CNTNAP2: variants seen among roughly 807,000 people sequenced by gnomAD.
CNTNAP2 encodes the protein contactin associated protein 2.
CNTNAP2 carries 98 observed loss-of-function variants against 155.2 expected under a neutral mutation model. The observed-to-expected ratio is 0.63, with a 90% CI of 0.54 to 0.75. CNTNAP2 has a LOEUF of 0.75. CNTNAP2 is among the 30% of genes least tolerant of loss of function. The pLI, the probability that CNTNAP2 is intolerant of heterozygous loss-of-function variation, is 0.00. For missense variants in CNTNAP2, 1,727 were observed against 1,688.1 expected, an observed-to-expected ratio of 1.02 and a Z score of -0.40; for synonymous variants, 651 against 631.2, an observed-to-expected ratio of 1.03 and a Z score of -0.47.
intron 2 of CNTNAP2, among the ~76,000 whole-genome samples, chr7:146,776,302 T>G (rs1802388938): frequency 6.6e-6 from 1 of 152,206 alleles, no homozygotes; most frequent in African/African-American, 2.4e-5. Context: ...AAATGTTACT[T>G]TCAAAAGTTT....
chr7:148,217,011 G>C (rs942057868), intron 18 of CNTNAP2, among the ~76,000 whole-genome samples: 19 of 152,158 alleles, frequency 1.2e-4, no homozygotes, highest in African/African-American at 4.6e-4. Flanking sequence ...GGAGCTGTGA[G>C]TCCACTAAAC....
chr7:147,126,600 A>G (rs1234284217), intron 6 of CNTNAP2, among the ~76,000 whole-genome samples: 2 of 152,060 alleles, frequency 1.3e-5, no homozygotes, highest in East Asian at 3.9e-4. Context: ...CAGCCTCCCA[A>G]ATAGCTGGGA....
chr7:148,161,189 T>A (rs867405781), intron 17 of CNTNAP2, among the ~76,000 whole-genome samples: 1 of 152,332 alleles, frequency 6.6e-6, no homozygotes. Flanking sequence ...TTCTGCTAAT[T>A]TTGCTGCCGC....
chr7:147,890,368 A>G (rs1291336084), intron 13 of CNTNAP2, among the ~76,000 whole-genome samples: 1 of 152,236 alleles, frequency 6.6e-6, no homozygotes, highest in Non-Finnish European at 1.5e-5. Context: ...TAGACAAAGA[A>G]GGGAATTCTT....
chr7:147,626,698 T>A (rs1794984109), intron 12 of CNTNAP2, among the ~76,000 whole-genome samples: 1 of 152,114 alleles, frequency 6.6e-6, no homozygotes. Context: ...CACCTTCTGG[T>A]TGGAGGCCAA....
chr7:146,783,643 A>G (rs946646774), intron 2 of CNTNAP2, among the ~76,000 whole-genome samples: 3 of 152,238 alleles, frequency 2.0e-5, no homozygotes, highest in African/African-American at 7.2e-5. Flanking sequence ...CTCAATTTTA[A>G]AATGTTGGTA....
At chr7:146,373,130 C>T (rs1795259274) in intron 1 of CNTNAP2, among the ~76,000 whole-genome samples, 2 of 152,180 alleles carry the variant, frequency 1.3e-5, no homozygotes, top group Admixed American at 1.3e-4. Context: ...AAATCCTTCT[C>T]AGGGCAAATA....
At chr7:146,915,830 C>T (rs1796382072) in intron 3 of CNTNAP2, 1 of 152,090 alleles carries the variant, frequency 6.6e-6, no homozygotes, top group African/African-American at 2.4e-5. Context: ...CGTCTGCTTG[C>T]TCTGGCTAGG....
chr7:146,514,933 G>A (rs913241212), intron 1 of CNTNAP2, among the ~76,000 whole-genome samples: 2 of 151,994 alleles, frequency 1.3e-5, no homozygotes, highest in African/African-American at 4.8e-5. Flanking sequence ...AGCATTACAT[G>A]TCACCTCAAT....
At chr7:147,328,085 T>A (rs1435063561) in intron 9 of CNTNAP2, among the ~76,000 whole-genome samples, 1 of 151,802 alleles carries the variant, frequency 6.6e-6, no homozygotes. Context: ...GGGACAAAAA[T>A]AACGAGCAAG....
chr7:147,744,754 CACACCTGCTAGACAGAG>C (rs1437368858), intron 13 of CNTNAP2, among the ~76,000 whole-genome samples: 1 of 152,114 alleles, frequency 6.6e-6, no homozygotes, highest in East Asian at 1.9e-4. Flanking sequence ...TTCCTCTGTG[CACACCTGCTAGACAGAG>C]CTCTCTTTCT....
chr7:147,442,950 A>AGTTAGTT (rs1237417113), intron 10 of CNTNAP2, among the ~76,000 whole-genome samples: 1 of 151,996 alleles, frequency 6.6e-6, no homozygotes, highest in Non-Finnish European at 1.5e-5. Context: ...CTTTTGGAGC[A>AGTTAGTT]GTTAGTTGTA....
In CNTNAP2 at chr7:146,645,519, C is replaced by G. The variant is rs111868054; in HGVS notation, c.98-128752C>G. Among the ~76,000 whole-genome samples the G allele has an allele frequency of 3.0e-3, 453 of 152,168 alleles. 2 individuals carry two copies. Among genetic ancestry groups the G allele is most frequent in the African/African-American group, 0.01 (418 of 41,522 alleles). On this transcript the variant is annotated intron_variant, in intron 1 of 23. Coordinates refer to ENST00000361727, the MANE Select transcript of CNTNAP2 (RefSeq NM_014141.6). ...ACGAAAAATGAGATCAGGGAACATCCCTGTGGGTATGAAACAACAAAAACT... is the reference window on the plus strand; with the variant it reads ...ACGAAAAATGAGATCAGGGAACATCGCTGTGGGTATGAAACAACAAAAACT...
intron 13 of CNTNAP2, among the ~76,000 whole-genome samples, chr7:147,788,378 T>C (rs972670275): frequency 2.4e-4 from 36 of 152,314 alleles, no homozygotes; most frequent in African/African-American, 8.7e-4. Context: ...TTTTCAGGCA[T>C]AGTGGGGTGT....
intron 2 of CNTNAP2, among the ~76,000 whole-genome samples, chr7:146,819,360 T>C (rs2129195702): frequency 6.6e-6 from 1 of 152,224 alleles, no homozygotes; most frequent in East Asian, 1.9e-4. Flanking sequence ...TTGAAAAGAG[T>C]GTGTTGCCAC....
intron 1 of CNTNAP2, among the ~76,000 whole-genome samples, chr7:146,181,053 C>T (rs1798542612): frequency 6.6e-6 from 1 of 152,118 alleles, no homozygotes; most frequent in Non-Finnish European, 1.5e-5. Context: ...AAACATTTTG[C>T]ACTTCTGTTA....
chr7:146,175,277 A>G lies in CNTNAP2; in HGVS notation c.97+58304A>G, dbSNP rs541633822. Among the ~76,000 whole-genome samples the G allele has an allele frequency of 9.2e-5, 14 of 152,322 alleles. No individual in the cohort carries two copies. The South Asian group carries it at 1.7e-3, about 18-fold the overall frequency. On this transcript the variant is annotated intron_variant, in intron 1 of 23. Transcript: ENST00000361727. The stretch of plus-strand genomic sequence containing the variant: ...AATCATTAAAAAATAAATTTGAAAA[A>G]TGTAAAGTAGTGACAGAAGCACATG...
intron 3 of CNTNAP2, among the ~76,000 whole-genome samples, chr7:146,853,925 T>C (rs1794928457): frequency 6.6e-6 from 1 of 152,232 alleles, no homozygotes; most frequent in Non-Finnish European, 1.5e-5. Context: ...TAATTTATAC[T>C]TAATAATATT....
chr7:146,244,422 G>A (rs2462826), intron 1 of CNTNAP2, among the ~76,000 whole-genome samples: 25,253 of 152,014 alleles, frequency 0.17, 2,518 homozygotes, highest in African/African-American at 0.28. Context: ...TTGATCTGGT[G>A]TCTGGAATGA....
Sources: allele counts gnomAD v4.1 joint callset (sites outside exome capture counted in the v4.1 genomes callset), GRCh38; gene constraint gnomAD v4.1.1; transcripts MANE v1.5; gene names NCBI Gene and HGNC (gene_info 2026-07-23, HGNC 2026-07-21).